PALM: variants seen among roughly 807,000 people sequenced by gnomAD.
PALM encodes paralemmin.
PALM carries 18 observed loss-of-function variants against 30.7 expected under a neutral mutation model. The ratio of observed to expected loss-of-function variants is 0.59; its 90% CI spans 0.41 to 0.87. The LOEUF (loss-of-function observed/expected upper bound fraction) is 0.87, where lower values mean the gene tolerates loss of function less well. Among genes scored for constraint, PALM ranks in the 40% least tolerant of loss-of-function variants. The pLI is 0.00. For missense variants in PALM, 529 were observed against 555.4 expected, an observed-to-expected ratio of 0.95 and a Z score of 0.48; for synonymous variants, 286 against 242.8, an observed-to-expected ratio of 1.18 and a Z score of -1.66.
chr19:727,814 C>A, intron 4 of PALM, 120 bp downstream of exon 4: 2 of 925,694 alleles, frequency 2.2e-6, no homozygotes, highest in Non-Finnish European at 3.2e-6. Flanking sequence ...GTGGACCGGG[C>A]AGGCCAGGAC....
At chr19:722,145 C>G (rs947205851) in intron 1 of PALM, among the ~76,000 whole-genome samples, 1 of 151,262 alleles carries the variant, frequency 6.6e-6, no homozygotes, top group Non-Finnish European at 1.5e-5. Flanking sequence ...GTCTCGATCT[C>G]CTGACCTCGT....
At chr19:713,695 C>T (rs1599133376) in intron 1 of PALM, among the ~76,000 whole-genome samples, 1 of 152,122 alleles carries the variant, frequency 6.6e-6, no homozygotes, top group East Asian at 1.9e-4. Flanking sequence ...TCTCATGCCT[C>T]AGCCTCCCAA....
At chr19:711,878 C>G (rs2032091115) in intron 1 of PALM, among the ~76,000 whole-genome samples, 1 of 152,072 alleles carries the variant, frequency 6.6e-6, no homozygotes, top group African/African-American at 2.4e-5. Flanking sequence ...CCTCAGCCTC[C>G]CAAGTAGCTG....
intron 4 of PALM, among the ~76,000 whole-genome samples, chr19:728,117 G>T (rs1025534402): frequency 2.6e-5 from 4 of 152,210 alleles, no homozygotes; most frequent in African/African-American, 9.6e-5. Context: ...TGGCGGGCAA[G>T]CGCTCCCATG....
intron 1 of PALM, chr19:719,157 CG>C (rs1271654327): frequency 2.0e-6 from 2 of 985,292 alleles, no homozygotes; most frequent in African/African-American, 3.5e-5. Context: ...TGGAGCTGCC[CG>C]GGCGTGGGTT....
At chr19:738,113 A>G (rs10410376) in intron 7 of PALM, among the ~76,000 whole-genome samples, 125,981 of 152,104 alleles carry the variant, frequency 0.83, 52,523 homozygotes, top group African/African-American at 0.91. Flanking sequence ...AGGACTGGCC[A>G]GGCACGGTGG....
At chr19:740,328 G>A (rs1287393989) in intron 7 of PALM, 24 bp from the exon 8 acceptor site, 7 of 1,548,522 alleles carry the variant, frequency 4.5e-6, no homozygotes, top group Non-Finnish European at 6.1e-6. Flanking sequence ...AGGCCGTGGT[G>A]TAACCCCGTG....
At chr19:735,406 T>G (rs112513103) in intron 6 of PALM, among the ~76,000 whole-genome samples, 145 of 94,038 alleles carry the variant, frequency 1.5e-3, no homozygotes, top group African/African-American at 4.1e-3. Context: ...GGGCCCAGGT[T>G]CCTGTGTCCG....
intron 1 of PALM, among the ~76,000 whole-genome samples, chr19:719,887 C>T (rs2032400885): frequency 6.6e-6 from 1 of 152,158 alleles, no homozygotes. Context: ...GAGGCGTTCT[C>T]GGTTTGTGGC....
chr19:723,488 G>T (rs1013919281), intron 1 of PALM, among the ~76,000 whole-genome samples: 1 of 152,108 alleles, frequency 6.6e-6, no homozygotes, highest in Admixed American at 6.5e-5. Flanking sequence ...TCCTCTCCCT[G>T]CCTCGCTGCA....
At chr19:723,450 T>C (rs1231484216) in intron 1 of PALM, among the ~76,000 whole-genome samples, 1 of 151,990 alleles carries the variant, frequency 6.6e-6, no homozygotes, top group Non-Finnish European at 1.5e-5. Context: ...CGCCCAGAGC[T>C]TGGGACACCC....
intron 1 of PALM, among the ~76,000 whole-genome samples, chr19:721,958 G>T (rs1332596866): frequency 6.6e-6 from 1 of 150,804 alleles, no homozygotes; most frequent in Non-Finnish European, 1.5e-5. Flanking sequence ...TCGCTCTGTC[G>T]CCCAGGCTGG....
chr19:727,000 C>CCCCCCCCCCCCCAA lies in PALM; in HGVS notation c.58-5_58-4insCCCCCCCCCAACCC. 1 of 1,446,502 alleles carries CCCCCCCCCCCCCAA rather than the reference C, an allele frequency of 6.9e-7. No individual in the cohort carries two copies. Among genetic ancestry groups the CCCCCCCCCCCCCAA allele is most frequent in the Non-Finnish European group, 9.5e-7 (1 of 1,055,346 alleles). 89.6% of individuals were successfully genotyped at this position (1,446,502 alleles called of 1,614,324 possible). On this transcript the variant is annotated splice_polypyrimidine_tract_variant and splice_region_variant and intron_variant, in intron 2 of 8. Transcript: ENST00000338448. ...CCCATCCCTGACCCCACCCGGCCCT[C>CCCCCCCCCCCCCAA]CCCACAGGAGAAGCGGAAGCGGCAG...
At chr19:737,285 T>A (rs1330834996) in intron 7 of PALM, among the ~76,000 whole-genome samples, 4 of 152,216 alleles carry the variant, frequency 2.6e-5, no homozygotes, top group Non-Finnish European at 4.4e-5. Flanking sequence ...GGTCCCCCGC[T>A]GATCCCCGTG....
intron 7 of PALM, among the ~76,000 whole-genome samples, chr19:738,336 C>T (rs1470514871): frequency 6.6e-6 from 1 of 152,050 alleles, no homozygotes; most frequent in Non-Finnish European, 1.5e-5. Flanking sequence ...ACCATCTTGG[C>T]TAACACGGTG....
chr19:710,377 C>T (rs2032031963), intron 1 of PALM, among the ~76,000 whole-genome samples: 1 of 152,192 alleles, frequency 6.6e-6, no homozygotes, highest in South Asian at 2.1e-4. Flanking sequence ...GCCAGGGGCT[C>T]AGGGGAGCCA....
chr19:715,315 C>T (rs575579910), intron 1 of PALM, among the ~76,000 whole-genome samples: 1 of 152,232 alleles, frequency 6.6e-6, no homozygotes, highest in African/African-American at 2.4e-5. Context: ...GTGTGGGCCC[C>T]TGTTTCCTCT....
intron 1 of PALM, chr19:719,675 C>T: frequency 1.0e-6 from 1 of 960,840 alleles, no homozygotes; most frequent in Middle Eastern, 5.3e-4. Flanking sequence ...CTTTTGTGAT[C>T]CGACCTCCGC....
intron 6 of PALM, among the ~76,000 whole-genome samples, chr19:735,354 A>G (rs1483339909): frequency 3.1e-5 from 3 of 96,438 alleles, no homozygotes; most frequent in African/African-American, 1.3e-4. Context: ...TCTGGGTGGG[A>G]TCTGTGTGTC....
Sources: allele counts gnomAD v4.1 joint callset (sites outside exome capture counted in the v4.1 genomes callset), GRCh38; gene constraint gnomAD v4.1.1; transcripts MANE v1.5; gene names NCBI Gene and HGNC (gene_info 2026-07-23, HGNC 2026-07-21).